The following NXN variants were observed in gnomAD, a reference collection of about 807,000 sequenced individuals.
NXN encodes nucleoredoxin 1.
In NXN, 16 loss-of-function variants were observed where a neutral mutation model predicts 48.6. The ratio of observed to expected loss-of-function variants is 0.33; its 90% CI spans 0.22 to 0.50. The LOEUF (loss-of-function observed/expected upper bound fraction) is 0.50. Among genes scored for constraint, NXN ranks in the 20% least tolerant of loss-of-function variants. NXN has a pLI of 0.98. For synonymous variants in NXN, 281 were observed against 269.6 expected (o/e 1.04, Z -0.41); for missense variants, 492 against 605.5 (o/e 0.81, Z 1.97).
intron 1 of NXN, among the ~76,000 whole-genome samples, chr17:833,918 G>C (rs76889234): frequency 0.011 from 1,625 of 152,222 alleles, 87 homozygotes; most frequent in Admixed American, 0.077. Context: ...CACTCTCCCC[G>C]CTCTCCCACT....
intron 5 of NXN, among the ~76,000 whole-genome samples, chr17:809,926 CGTGTGAGTGGCGTGTACGTTACGAGTCT>C (rs1228438657): frequency 0.017 from 2,002 of 119,274 alleles, 139 homozygotes; most frequent in Middle Eastern, 0.12. Flanking sequence ...GTTAAGAGTC[CGTGTGAGTGGCGTGTACGTTACGAGTCT>C]GTGTGAGTGG....
At chr17:886,777 CAA>C (rs5818771) in intron 1 of NXN, among the ~76,000 whole-genome samples, 1,390 of 124,302 alleles carry the variant, frequency 0.011, 11 homozygotes, top group African/African-American at 0.035. Flanking sequence ...GACTCTGTCT[CAA>C]AAAAAAAAAA....
chr17:805,961 C>T (rs1597610063), intron 5 of NXN, among the ~76,000 whole-genome samples: 1 of 152,254 alleles, frequency 6.6e-6, no homozygotes, highest in East Asian at 1.9e-4. Flanking sequence ...AAACACGGAA[C>T]AGGCAGTGCA....
chr17:895,581 G>C (rs1041698138), intron 1 of NXN, among the ~76,000 whole-genome samples: 2 of 151,218 alleles, frequency 1.3e-5, no homozygotes, highest in African/African-American at 2.4e-5. Context: ...GGGAGGTCGA[G>C]GTGGGCGGAT....
intron 5 of NXN, among the ~76,000 whole-genome samples, chr17:807,672 G>C (rs762532144): frequency 1.3e-5 from 2 of 152,254 alleles, no homozygotes; most frequent in Non-Finnish European, 1.5e-5. Flanking sequence ...GTTGGGCCGC[G>C]TGACTGTCTG....
chr17:890,573 G>A (rs1387394588), intron 1 of NXN, among the ~76,000 whole-genome samples: 2 of 145,022 alleles, frequency 1.4e-5, no homozygotes, highest in African/African-American at 5.6e-5. Context: ...GTAGAGATGG[G>A]GTTTTCACCT....
At position 919,180 on chromosome 17, in the gene NXN, T is replaced by C. The variant is rs2068720105; in HGVS notation, c.360+60139A>G. 6.6e-6 allele frequency among the ~76,000 whole-genome samples: 1 copy of C among 151,990 alleles called. No homozygotes were observed. The highest frequency in any genetic ancestry group is 1.5e-5 in the Non-Finnish European group (1 of 67,962). ...GAGATCGAGACCATCCTGGCTAACA[T>C]GGTGAAAGCCCGTCTCTACTACAAA... On this transcript the variant is annotated intron_variant, in intron 1 of 7. Coordinates refer to ENST00000336868, the MANE Select transcript of NXN (RefSeq NM_022463.5). The surrounding 1 kb of genome is among the most constrained non-coding windows in gnomAD (Gnocchi z 5.1).
In NXN at chr17:932,159, CG is replaced by C. The variant is rs1387209763; in HGVS notation, c.360+47159del. Among the ~76,000 whole-genome samples, 2 of 152,140 alleles carry C rather than the reference CG, an allele frequency of 1.3e-5. No homozygotes were observed. Among genetic ancestry groups the C allele is most frequent in the East Asian group, 3.8e-4 (2 of 5,198 alleles). On this transcript the variant is annotated intron_variant, in intron 1 of 7. Transcript: ENST00000336868. The surrounding 1 kb of genome is among the most constrained non-coding windows in gnomAD (Gnocchi z 4.1). ...ACCCTATCTCAAAAATAAAACAAAA[CG>C]AACAATTTTAGAAATGTTTAATTAT... is the stretch of plus-strand genomic sequence containing the variant.
intron 1 of NXN, among the ~76,000 whole-genome samples, chr17:862,837 C>G (rs1015357475): frequency 6.6e-6 from 1 of 152,168 alleles, no homozygotes; most frequent in Non-Finnish European, 1.5e-5. Flanking sequence ...ACGAGGGAAC[C>G]ATTTGACAAA....
At chr17:965,395 T>C (rs756039995) in intron 1 of NXN, among the ~76,000 whole-genome samples, 12 of 152,204 alleles carry the variant, frequency 7.9e-5, no homozygotes, top group Non-Finnish European at 1.8e-4. Flanking sequence ...AAGGGATCTG[T>C]TAGAAGCAAG....
At chr17:881,547 C>G (rs947017772) in intron 1 of NXN, among the ~76,000 whole-genome samples, 2 of 152,280 alleles carry the variant, frequency 1.3e-5, no homozygotes, top group Admixed American at 1.3e-4. Context: ...CTTTGAAGAA[C>G]CGTTTGGTCC....
chr17:950,174 CAGG>C (rs1330756558), intron 1 of NXN, among the ~76,000 whole-genome samples: 3 of 152,126 alleles, frequency 2.0e-5, no homozygotes. Context: ...AGAAAAAGAG[CAGG>C]AGAAGGAATT....
chr17:957,286 C>G (rs1342279330), intron 1 of NXN, among the ~76,000 whole-genome samples: 1 of 152,028 alleles, frequency 6.6e-6, no homozygotes, highest in Non-Finnish European at 1.5e-5. Flanking sequence ...ACTTCACACA[C>G]AGAAGCCAGG....
At chr17:867,798 A>G (rs941945084) in intron 1 of NXN, among the ~76,000 whole-genome samples, 2 of 151,732 alleles carry the variant, frequency 1.3e-5, no homozygotes, top group African/African-American at 2.4e-5. Flanking sequence ...TGGTGGCGGG[A>G]GGCTGTAATC....
intron 1 of NXN, among the ~76,000 whole-genome samples, chr17:906,691 C>T (rs1448693029): frequency 6.6e-6 from 1 of 151,644 alleles, no homozygotes; most frequent in South Asian, 2.1e-4. Context: ...CTCAGCCTCC[C>T]GAGTAGCTGG....
At chr17:845,353 C>T (rs1394299326) in intron 1 of NXN, among the ~76,000 whole-genome samples, 1 of 152,000 alleles carries the variant, frequency 6.6e-6, no homozygotes, top group Non-Finnish European at 1.5e-5. Context: ...AGAGAGAATT[C>T]TACCCTTCTA....
chr17:862,068 C>T (rs1010002727), intron 1 of NXN, among the ~76,000 whole-genome samples: 1 of 152,144 alleles, frequency 6.6e-6, no homozygotes, highest in African/African-American at 2.4e-5. Flanking sequence ...TGAGCTCAAG[C>T]GATCTACCAG....
intron 1 of NXN, chr17:930,550 G>T (rs11870439): frequency 0.27 from 40,733 of 151,962 alleles, 6,696 homozygotes; most frequent in East Asian, 0.43. Flanking sequence ...GAATCCCGGT[G>T]ACACAACACA....
intron 1 of NXN, among the ~76,000 whole-genome samples, chr17:963,904 C>T (rs552478608): frequency 5.3e-5 from 8 of 150,818 alleles, no homozygotes; most frequent in South Asian, 2.1e-4. Flanking sequence ...GGTGAAACCC[C>T]GTCTCTACTA....
Sources: allele counts gnomAD v4.1 joint callset (sites outside exome capture counted in the v4.1 genomes callset), GRCh38; gene constraint gnomAD v4.1.1; non-coding constraint Gnocchi (gnomAD v3.1); transcripts MANE v1.5; gene names NCBI Gene and HGNC (gene_info 2026-07-23, HGNC 2026-07-21).